CUX1: variants seen among roughly 807,000 people sequenced by gnomAD.
CUX1 encodes protein CASP.
A neutral mutation model predicts 158.8 loss-of-function variants in CUX1; 31 were observed. The observed-to-expected ratio is 0.20, with a 90% confidence interval of 0.15 to 0.26. The LOEUF (loss-of-function observed/expected upper bound fraction) is 0.26. CUX1 is among the 10% of genes least tolerant of loss of function. CUX1 has a pLI of 1.00. For missense variants in CUX1, 1,589 were observed against 2,014.6 expected (o/e 0.79, Z 4.04); for synonymous variants, 879 against 862.1 (o/e 1.02, Z -0.34).
chr7:102,282,922 C>G lies in CUX1; in HGVS notation c.1968-99C>G, dbSNP rs58377670. 5.5e-3 allele frequency: 4,885 copies of G among 895,230 alleles called. 177 individuals carry two copies. The African/African-American group carries it at 0.073, about 13-fold the overall frequency. The allele number at this position is 895,230 out of a possible 1,614,324, so 55.5% of individuals were successfully genotyped here. On this transcript the variant is annotated intron_variant, in intron 22 of 22. Coordinates refer to the CUX1 transcript ENST00000292538. ...CTGGCCCTCCCCCTACCCCTACTCC[C>G]GGTATCCACTACCCCCTAGCCCCAC...
At chr7:101,929,301 A>G (rs1380819983) in intron 2 of CUX1, among the ~76,000 whole-genome samples, 1 of 152,228 alleles carries the variant, frequency 6.6e-6, no homozygotes, top group Non-Finnish European at 1.5e-5. Context: ...GCCTTCTTCC[A>G]TATGTGTCTA....
At chr7:101,994,493 C>G (rs923948779) in intron 2 of CUX1, among the ~76,000 whole-genome samples, 1 of 152,010 alleles carries the variant, frequency 6.6e-6, no homozygotes, top group East Asian at 1.9e-4. Context: ...CCCAGCTACT[C>G]GGGAGGCTGA....
At chr7:101,843,720 C>T (rs1795400730) in intron 1 of CUX1, among the ~76,000 whole-genome samples, 1 of 152,088 alleles carries the variant, frequency 6.6e-6, no homozygotes, top group South Asian at 2.1e-4. Context: ...ACCTCGTTTC[C>T]TCCCTTCAGC....
intron 1 of CUX1, among the ~76,000 whole-genome samples, chr7:101,856,810 T>C (rs1796887512): frequency 1.3e-5 from 2 of 152,206 alleles, no homozygotes; most frequent in South Asian, 4.1e-4. Context: ...ACTGCTTTCT[T>C]GTAGCCAAAT....
chr7:102,197,699 A>G (rs543218124), intron 15 of CUX1, among the ~76,000 whole-genome samples: 1 of 152,248 alleles, frequency 6.6e-6, no homozygotes, highest in Admixed American at 6.5e-5. Flanking sequence ...CATAGCAGCA[A>G]CGTTGACTGG....
chr7:101,855,183 AC>A (rs1796640930), intron 1 of CUX1, among the ~76,000 whole-genome samples: 1 of 152,142 alleles, frequency 6.6e-6, no homozygotes, highest in South Asian at 2.1e-4. Flanking sequence ...TGGGGGCTGG[AC>A]CCCGTCCCTT....
intron 3 of CUX1, among the ~76,000 whole-genome samples, chr7:102,062,326 C>T (rs1463766666): frequency 6.6e-6 from 1 of 152,110 alleles, no homozygotes; most frequent in Non-Finnish European, 1.5e-5. Flanking sequence ...TTCCATGTGA[C>T]TCCGGGAACC....
At chr7:101,890,902 GT>G (rs1800811982) in intron 1 of CUX1, among the ~76,000 whole-genome samples, 1 of 151,834 alleles carries the variant, frequency 6.6e-6, no homozygotes, top group Non-Finnish European at 1.5e-5. Flanking sequence ...TGTTTAGGCT[GT>G]TGTTTGGTGC....
intron 2 of CUX1, among the ~76,000 whole-genome samples, chr7:101,993,007 C>T (rs1026283889): frequency 6.6e-6 from 1 of 151,994 alleles, no homozygotes; most frequent in Non-Finnish European, 1.5e-5. Context: ...GTGGCCTGGG[C>T]GGGAGGGTCC....
chr7:101,954,583 CA>C, intron 2 of CUX1, among the ~76,000 whole-genome samples: 1 of 151,806 alleles, frequency 6.6e-6, no homozygotes, highest in East Asian at 2.0e-4. Flanking sequence ...CCGAGGCAGG[CA>C]GATCACTTGA....
chr7:102,257,518 A>G lies in CUX1; in HGVS notation c.*8476A>G. The G allele has an allele frequency of 1.0e-6, 1 of 985,400 alleles. No individual in the cohort carries two copies. Among genetic ancestry groups the G allele is most frequent in the Non-Finnish European group, 1.2e-6 (1 of 829,920 alleles). The allele number at this position is 985,400 out of a possible 1,614,324, so 61.0% of individuals were successfully genotyped here. On this transcript the variant is annotated 3_prime_UTR_variant, in exon 24 of 24. Coordinates refer to ENST00000292535, the MANE Select transcript of CUX1 (RefSeq NM_181552.4). ...TGTTATAAAATAAAAGTGGGGGTAA[A>G]AAGAAGGTGGTTTTCCCCACATCCC...
chr7:102,123,426 A>G (rs188161259), intron 8 of CUX1, among the ~76,000 whole-genome samples: 263 of 151,514 alleles, frequency 1.7e-3, no homozygotes, highest in Middle Eastern at 0.01. Flanking sequence ...TGGCTAACAC[A>G]GTGAAACCCC....
At chr7:102,121,838 C>A (rs1389218158) in intron 8 of CUX1, among the ~76,000 whole-genome samples, 1 of 152,072 alleles carries the variant, frequency 6.6e-6, no homozygotes, top group Non-Finnish European at 1.5e-5. Flanking sequence ...TTGCTTGAGA[C>A]CACGGCGGTC....
At chr7:102,223,861 CG>C (rs1324545036) in intron 20 of CUX1, among the ~76,000 whole-genome samples, 2 of 151,990 alleles carry the variant, frequency 1.3e-5, no homozygotes, top group Non-Finnish European at 2.9e-5. Context: ...CCCAGCTACT[CG>C]GGAGGCAGAG....
Position 101,916,506 on chromosome 7 carries a change from A to G in CUX1, c.141+281A>G. On this transcript the variant is annotated intron_variant, in intron 2 of 23. Coordinates refer to ENST00000292535, the MANE Select transcript of CUX1 (RefSeq NM_181552.4). This position sits in a 1 kb window ranked among gnomAD's most constrained non-coding sequence, Gnocchi z 4.4. Reference sequence around the variant, plus strand: ...GCTTGGTCTGTAAGAACACGTGGGCAGGTGTGTGGGTGTCTCAGACCCTCG... The same window carrying G: ...GCTTGGTCTGTAAGAACACGTGGGCGGGTGTGTGGGTGTCTCAGACCCTCG... The G allele has an allele frequency of 2.9e-6, 1 of 346,716 alleles. No individual in the cohort carries two copies. The highest frequency in any genetic ancestry group is 5.7e-6 in the Non-Finnish European group (1 of 175,618). 21.5% of individuals were successfully genotyped at this position (346,716 alleles called of 1,614,324 possible). A position where few individuals can be genotyped will look rare whatever the true frequency, so the allele number is the denominator to read the frequency against.
At chr7:102,099,489 T>TC (rs781875321) in intron 5 of CUX1, among the ~76,000 whole-genome samples, 15,442 of 150,834 alleles carry the variant, frequency 0.1, 863 homozygotes, top group Middle Eastern at 0.14. Context: ...TTTTTTTTTT[T>TC]CCCCTTCATT....
At chr7:101,991,332 G>A (rs181379840) in intron 2 of CUX1, among the ~76,000 whole-genome samples, 52 of 152,356 alleles carry the variant, frequency 3.4e-4, no homozygotes, top group Admixed American at 7.8e-4. Context: ...GCCAGGGCGC[G>A]TAGCAGATGT....
intron 21 of CUX1, 39 bp downstream of exon 21, chr7:102,227,708 G>T: frequency 6.3e-7 from 1 of 1,579,228 alleles, no homozygotes; most frequent in South Asian, 1.2e-5. Flanking sequence ...GGAGGTGGCA[G>T]GGAGTTTGCA....
At chr7:101,952,181 A>G (rs1809145072) in intron 2 of CUX1, among the ~76,000 whole-genome samples, 2 of 152,216 alleles carry the variant, frequency 1.3e-5, no homozygotes, top group South Asian at 4.2e-4. Context: ...TGAGGAGTTC[A>G]AGACCAGCCT....
Sources: allele counts gnomAD v4.1 joint callset (sites outside exome capture counted in the v4.1 genomes callset), GRCh38; gene constraint gnomAD v4.1.1; non-coding constraint Gnocchi (gnomAD v3.1); transcripts MANE v1.5; gene names NCBI Gene and HGNC (gene_info 2026-07-23, HGNC 2026-07-21).